The following BRINP1 variants were observed in gnomAD, a reference collection of about 807,000 sequenced individuals.
The protein encoded by BRINP1 is BMP/retinoic acid-inducible neural-specific protein 1.
Under a neutral mutation model 72.9 loss-of-function variants are expected in BRINP1, and 17 were observed. The observed-to-expected ratio is 0.23, with a 90% CI of 0.16 to 0.35. The LOEUF is 0.35. BRINP1 is among the 10% of genes least tolerant of loss of function. The pLI, the probability that BRINP1 is intolerant of heterozygous loss-of-function variation, is 1.00. For missense variants in BRINP1, 850 were observed against 1,001.6 expected, an observed-to-expected ratio of 0.85 and a Z score of 2.04; for synonymous variants, 418 against 378.5, an observed-to-expected ratio of 1.10 and a Z score of -1.21.
At chr9:119,318,234 A>G (rs1831146027) in intron 1 of BRINP1, among the ~76,000 whole-genome samples, 1 of 152,218 alleles carries the variant, frequency 6.6e-6, no homozygotes, top group Non-Finnish European at 1.5e-5. Flanking sequence ...GAGGACACAA[A>G]CAATTTGTCA....
At chr9:119,274,095 C>T (rs1830631482) in intron 2 of BRINP1, among the ~76,000 whole-genome samples, 1 of 152,194 alleles carries the variant, frequency 6.6e-6, no homozygotes, top group South Asian at 2.1e-4. Context: ...ATGCAATTGG[C>T]AGCCTTACTC....
chr9:119,244,928 C>G (rs1297601849), intron 3 of BRINP1, among the ~76,000 whole-genome samples: 1 of 152,160 alleles, frequency 6.6e-6, no homozygotes, highest in African/African-American at 2.4e-5. Flanking sequence ...AGAGTGGAAG[C>G]TGATCCTATT....
intron 2 of BRINP1, among the ~76,000 whole-genome samples, chr9:119,268,293 T>TAGATAGACAGAC (rs1444041428): frequency 1.4e-5 from 2 of 138,212 alleles, no homozygotes; most frequent in African/African-American, 5.0e-5. Context: ...GATAGATAGA[T>TAGATAGACAGAC]AGATAGATAA....
intron 3 of BRINP1, among the ~76,000 whole-genome samples, chr9:119,244,256 C>T (rs1174004600): frequency 1.3e-5 from 2 of 152,272 alleles, no homozygotes; most frequent in African/African-American, 2.4e-5. Flanking sequence ...TTTACTGTTA[C>T]GTAGTAATAC....
intron 1 of BRINP1, among the ~76,000 whole-genome samples, chr9:119,334,600 T>C (rs1358765732): frequency 1.3e-5 from 2 of 152,180 alleles, no homozygotes; most frequent in East Asian, 1.9e-4. Context: ...ACTACTACTA[T>C]AGAGGCAAGA....
intron 3 of BRINP1, among the ~76,000 whole-genome samples, chr9:119,248,413 C>T (rs367738445): frequency 2.0e-5 from 3 of 152,278 alleles, no homozygotes; most frequent in East Asian, 3.9e-4. Flanking sequence ...CTCCTTTATC[C>T]AGCCCTCTTA....
At chr9:119,203,476 A>G (rs1829824379) in intron 7 of BRINP1, among the ~76,000 whole-genome samples, 1 of 152,226 alleles carries the variant, frequency 6.6e-6, no homozygotes, top group Non-Finnish European at 1.5e-5. Flanking sequence ...GGGAAAAAGA[A>G]TAAGAACAAT....
chr9:119,223,929 T>C (rs577645245), intron 5 of BRINP1, among the ~76,000 whole-genome samples: 1 of 152,194 alleles, frequency 6.6e-6, no homozygotes, highest in African/African-American at 2.4e-5. Context: ...TAATTTGTTA[T>C]GGATCCATTG....
intron 1 of BRINP1, among the ~76,000 whole-genome samples, chr9:119,336,411 G>A (rs1831345621): frequency 6.6e-6 from 1 of 152,128 alleles, no homozygotes; most frequent in Non-Finnish European, 1.5e-5. Context: ...CATTTCCCAG[G>A]AAGTCAACTT....
chr9:119,226,515 A>G (rs959431092), intron 5 of BRINP1, among the ~76,000 whole-genome samples: 5 of 151,938 alleles, frequency 3.3e-5, no homozygotes, highest in Non-Finnish European at 5.9e-5. Context: ...ATACCCCATC[A>G]GTTTGTGCTT....
Position 119,185,809 on chromosome 9 carries a change from C to A in BRINP1, c.1146-17585G>T, listed in dbSNP as rs145581402. Reference sequence around the variant, plus strand: ...CTGGAGTTTGCACAGCTGTACTACTCCAGAAAAGAAGCCCACGTTGTATCC... The same window carrying A: ...CTGGAGTTTGCACAGCTGTACTACTACAGAAAAGAAGCCCACGTTGTATCC... On this transcript the variant is annotated intron_variant, in intron 7 of 7. Coordinates refer to ENST00000265922, the MANE Select transcript of BRINP1 (RefSeq NM_014618.3). Among the ~76,000 whole-genome samples, 253 of 152,300 alleles carry A rather than the reference C, an allele frequency of 1.7e-3. 2 individuals are homozygous for A. Among genetic ancestry groups the A allele is most frequent in the African/African-American group, 5.7e-3 (239 of 41,566 alleles).
chr9:119,199,082 T>C (rs1299978529), intron 7 of BRINP1, among the ~76,000 whole-genome samples: 1 of 152,194 alleles, frequency 6.6e-6, no homozygotes, highest in Admixed American at 6.5e-5. Context: ...GCTATTCTTA[T>C]TATCCTAACC....
chr9:119,336,886 A>G (rs1476688740), intron 1 of BRINP1, among the ~76,000 whole-genome samples: 2 of 152,258 alleles, frequency 1.3e-5, no homozygotes, highest in Non-Finnish European at 2.9e-5. Flanking sequence ...AGATGAATAC[A>G]ATATAAAAGC....
intron 7 of BRINP1, among the ~76,000 whole-genome samples, chr9:119,206,747 G>T (rs1045941258): frequency 2.6e-5 from 4 of 152,122 alleles, no homozygotes; most frequent in African/African-American, 9.7e-5. Flanking sequence ...AGCACTGTTC[G>T]CTGTGTGCAT....
intron 1 of BRINP1, among the ~76,000 whole-genome samples, chr9:119,364,619 G>C (rs1831672882): frequency 6.6e-6 from 1 of 152,198 alleles, no homozygotes; most frequent in African/African-American, 2.4e-5. Context: ...GAAAAGAGCA[G>C]AGATGACGTA....
chr9:119,345,149 C>T (rs1264410108), intron 1 of BRINP1, among the ~76,000 whole-genome samples: 3 of 152,170 alleles, frequency 2.0e-5, no homozygotes, highest in African/African-American at 7.2e-5. Context: ...TGATTCCACC[C>T]ATGTTGTGTA....
At position 119,288,429 on chromosome 9, in the gene BRINP1, A is replaced by G. The variant is rs999068871; in HGVS notation, c.218+24709T>C. 1.4e-4 allele frequency among the ~76,000 whole-genome samples: 21 copies of G among 152,206 alleles called. 1 individual carries two copies. Among genetic ancestry groups the G allele is most frequent in the African/African-American group, 5.1e-4 (21 of 41,448 alleles). ...CAATGCTGGGTGATTTGGGGAGACAATGGATGACTAGACCTGGGCCTTGAC... is the reference window on the plus strand; with the variant it reads ...CAATGCTGGGTGATTTGGGGAGACAGTGGATGACTAGACCTGGGCCTTGAC... On this transcript the variant is annotated intron_variant, in intron 2 of 7. Coordinates refer to ENST00000265922, the MANE Select transcript of BRINP1 (RefSeq NM_014618.3).
At position 119,166,942 on chromosome 9, in the gene BRINP1, A is replaced by C; in HGVS notation, c.*142T>G. The C allele has an allele frequency of 1.1e-6, 1 of 935,950 alleles. No homozygotes were observed. Among genetic ancestry groups the C allele is most frequent in the Non-Finnish European group, 1.6e-6 (1 of 622,808 alleles). 58.0% of individuals were successfully genotyped at this position (935,950 alleles called of 1,614,324 possible). A position where few individuals can be genotyped will look rare whatever the true frequency, so the allele number is the denominator to read the frequency against. On this transcript the variant is annotated 3_prime_UTR_variant, in exon 8 of 8. Coordinates refer to ENST00000265922, the MANE Select transcript of BRINP1 (RefSeq NM_014618.3). ...CAGTTGCTAGAACGTTTTCATTTCC[A>C]ACAAATGAAGATTTTCCTCCTTTTC...
intron 7 of BRINP1, among the ~76,000 whole-genome samples, chr9:119,196,994 G>A (rs1023437218): frequency 2.0e-5 from 3 of 152,166 alleles, no homozygotes; most frequent in Non-Finnish European, 4.4e-5. Context: ...AGGCTATGTC[G>A]TGATATTCCA....
Sources: allele counts gnomAD v4.1 joint callset (sites outside exome capture counted in the v4.1 genomes callset), GRCh38; gene constraint gnomAD v4.1.1; transcripts MANE v1.5; gene names NCBI Gene and HGNC (gene_info 2026-07-23, HGNC 2026-07-21).